NCALD: variants seen among roughly 807,000 people sequenced by gnomAD.
The protein encoded by NCALD is neurocalcin-delta.
In NCALD, 10 loss-of-function variants were observed where a neutral mutation model predicts 18.6. The ratio of observed to expected loss-of-function variants is 0.54; its 90% confidence interval spans 0.33 to 0.91. The LOEUF (loss-of-function observed/expected upper bound fraction) is 0.91, where lower values mean the gene tolerates loss of function less well. NCALD is among the 40% of genes least tolerant of loss of function. The probability of loss-of-function intolerance (pLI) is 0.03; values close to 1 mark genes in which losing one functional copy is unlikely to be tolerated. For missense variants in NCALD, 184 were observed against 247.6 expected (o/e 0.74, Z 1.72); for synonymous variants, 88 against 87.4 (o/e 1.01, Z -0.04).
rs374251235 is a variant in NCALD at position 101,851,945 on chromosome 8, G to A, written c.-20+35196C>T. ...CTCTGCCTTCATGAATGGGATTATT[G>A]CCCTTATAAAACTGGATGAAGGGTA... On this transcript the variant is annotated intron_variant, in intron 4 of 6. Transcript: ENST00000311028. Among the ~76,000 whole-genome samples, 25 of 152,170 alleles carry A rather than the reference G, an allele frequency of 1.6e-4. No homozygotes were observed. The East Asian group carries it at 4.1e-3, about 25-fold the overall frequency.
chr8:101,689,118 G>A lies in NCALD; in HGVS notation c.*191C>T. ...TGTCCATGCTCTCCACAAGCACACT[G>A]GGGCTCTGGGCATTCCCACGAAGCA... On this transcript the variant is annotated 3_prime_UTR_variant, in exon 4 of 4. Coordinates refer to ENST00000220931, the MANE Select transcript of NCALD (RefSeq NM_032041.3). The surrounding 1 kb of genome is among the most constrained non-coding windows in gnomAD (Gnocchi z 4.4). 1 of 705,882 alleles carries A rather than the reference G, an allele frequency of 1.4e-6. No individual in the cohort carries two copies. The highest frequency in any genetic ancestry group is 1.5e-5 in the South Asian group (1 of 67,608). The allele number at this position is 705,882 out of a possible 1,614,324, so 43.7% of individuals were successfully genotyped here. A position where few individuals can be genotyped will look rare whatever the true frequency, so the allele number is the denominator to read the frequency against.
intron 4 of NCALD, among the ~76,000 whole-genome samples, chr8:101,858,493 G>A (rs1041151049): frequency 3.3e-5 from 5 of 152,134 alleles, no homozygotes; most frequent in Non-Finnish European, 7.4e-5. Context: ...ATCCCAGCCT[G>A]ATACTGGAGG....
chr8:101,797,612 T>C (rs974106217), intron 4 of NCALD, among the ~76,000 whole-genome samples: 2 of 152,088 alleles, frequency 1.3e-5, no homozygotes, highest in Non-Finnish European at 2.9e-5. Flanking sequence ...GGTCAAGAGA[T>C]TGAGACCATC....
chr8:101,741,061 A>T (rs893239038), intron 1 of NCALD, among the ~76,000 whole-genome samples: 7 of 152,228 alleles, frequency 4.6e-5, no homozygotes, highest in Non-Finnish European at 7.3e-5. Flanking sequence ...ATTTTCCTGG[A>T]CTATCACTAT....
intron 1 of NCALD, among the ~76,000 whole-genome samples, chr8:101,723,590 A>C (rs570408390): frequency 1.3e-5 from 2 of 152,162 alleles, no homozygotes; most frequent in African/African-American, 4.8e-5. Context: ...ACTAACCAAT[A>C]AAAAAAGGAC....
At chr8:101,823,066 T>C (rs540650558) in intron 4 of NCALD, among the ~76,000 whole-genome samples, 137 of 152,068 alleles carry the variant, frequency 9.0e-4, no homozygotes, top group Non-Finnish European at 1.6e-3. Context: ...TTATAAGCCT[T>C]GTCTGGATAT....
chr8:101,732,666 C>T (rs979185388), intron 1 of NCALD, among the ~76,000 whole-genome samples: 15 of 133,688 alleles, frequency 1.1e-4, no homozygotes, highest in Admixed American at 2.5e-4. Flanking sequence ...TGCAGTGGCA[C>T]GATCTCAGCT....
intron 1 of NCALD, among the ~76,000 whole-genome samples, chr8:102,115,164 C>T (rs1054762134): frequency 6.6e-6 from 1 of 152,232 alleles, no homozygotes; most frequent in Non-Finnish European, 1.5e-5. Context: ...CAAGGCAAAC[C>T]TTTTCTTCAG....
At chr8:101,768,713 A>C (rs1427873736) in intron 1 of NCALD, among the ~76,000 whole-genome samples, 1 of 81,304 alleles carries the variant, frequency 1.2e-5, no homozygotes, top group Non-Finnish European at 2.8e-5. Context: ...CATCTCAAAA[A>C]ACAAAAAAAC....
chr8:102,109,055 G>A (rs1825564395), intron 1 of NCALD, among the ~76,000 whole-genome samples: 1 of 152,116 alleles, frequency 6.6e-6, no homozygotes, highest in African/African-American at 2.4e-5. Context: ...GTTAGCAGAA[G>A]CACTCTGAGC....
chr8:101,778,291 C>T (rs1392840387), intron 1 of NCALD, among the ~76,000 whole-genome samples: 1 of 152,154 alleles, frequency 6.6e-6, no homozygotes, highest in African/African-American at 2.4e-5. Context: ...TACTAGTCAG[C>T]ACAGTCGTTC....
At chr8:101,785,270 C>G (rs868443244) in intron 1 of NCALD, among the ~76,000 whole-genome samples, 1 of 152,130 alleles carries the variant, frequency 6.6e-6, no homozygotes, top group South Asian at 2.1e-4. Flanking sequence ...TTCCTGCCTC[C>G]TCGGGGGATG....
intron 1 of NCALD, among the ~76,000 whole-genome samples, chr8:101,727,283 A>G (rs1206189541): frequency 6.6e-6 from 1 of 152,104 alleles, no homozygotes; most frequent in Non-Finnish European, 1.5e-5. Context: ...TTTGTCTTAA[A>G]TCCATTCACT....
chr8:101,804,264 TTA>T (rs1384521221), intron 4 of NCALD, among the ~76,000 whole-genome samples: 1 of 139,316 alleles, frequency 7.2e-6, no homozygotes, highest in Non-Finnish European at 1.5e-5. Flanking sequence ...TAAAAATGCA[TTA>T]TCTCTAAATA....
At chr8:101,796,789 C>A (rs1557337) in intron 4 of NCALD, among the ~76,000 whole-genome samples, 2 of 151,998 alleles carry the variant, frequency 1.3e-5, no homozygotes, top group African/African-American at 2.4e-5. Context: ...AAAAAGACAC[C>A]GTGAAAGGAA....
intron 2 of NCALD, among the ~76,000 whole-genome samples, chr8:101,695,176 A>G (rs1457376103): frequency 6.6e-6 from 1 of 152,220 alleles, no homozygotes; most frequent in Non-Finnish European, 1.5e-5. Context: ...TGCAGATCAC[A>G]TTAGCACAAC....
intron 2 of NCALD, chr8:101,975,229 G>A (rs937427963): frequency 3.9e-5 from 6 of 152,182 alleles, no homozygotes; most frequent in African/African-American, 1.4e-4. Context: ...AAAATTGTGT[G>A]TACTGGTGCA....
chr8:102,009,585 G>A (rs767642760), intron 2 of NCALD, among the ~76,000 whole-genome samples: 4 of 152,182 alleles, frequency 2.6e-5, no homozygotes, highest in Non-Finnish European at 4.4e-5. Flanking sequence ...GTCAGTGCTG[G>A]AGCATATAAA....
At chr8:102,075,579 G>T (rs1041850995) in intron 1 of NCALD, among the ~76,000 whole-genome samples, 2 of 152,148 alleles carry the variant, frequency 1.3e-5, no homozygotes, top group African/African-American at 2.4e-5. Context: ...CCCTTCTGAG[G>T]TTCCTTCTTA....
Sources: allele counts gnomAD v4.1 joint callset (sites outside exome capture counted in the v4.1 genomes callset), GRCh38; gene constraint gnomAD v4.1.1; non-coding constraint Gnocchi (gnomAD v3.1); transcripts MANE v1.5; gene names NCBI Gene and HGNC (gene_info 2026-07-23, HGNC 2026-07-21).